The following HHIP variants were observed in gnomAD, a reference collection of about 807,000 sequenced individuals.
HHIP encodes the protein hedgehog interacting protein.
A neutral mutation model predicts 74.0 loss-of-function variants in HHIP; 12 were observed. The observed-to-expected ratio is 0.16, with a 90% confidence interval of 0.10 to 0.26. The LOEUF is 0.26. Ranked by LOEUF, HHIP falls within the 10% of genes least tolerant of loss-of-function variation. The pLI is 1.00. For missense variants in HHIP, 788 were observed against 845.0 expected, an observed-to-expected ratio of 0.93 and a Z score of 0.84; for synonymous variants, 309 against 311.6, an observed-to-expected ratio of 0.99 and a Z score of 0.09.
At chr4:144,708,990 G>A (rs143334884) in intron 7 of HHIP, among the ~76,000 whole-genome samples, 1 of 152,150 alleles carries the variant, frequency 6.6e-6, no homozygotes, top group African/African-American at 2.4e-5. Flanking sequence ...GAAATTTGGG[G>A]TACATTTTGT....
chr4:144,729,815 C>A (rs1560723256), intron 11 of HHIP, among the ~76,000 whole-genome samples: 7 of 151,836 alleles, frequency 4.6e-5, no homozygotes, highest in African/African-American at 1.7e-4. Context: ...ATCAGGATAT[C>A]TACATAAGTA....
At position 144,659,075 on chromosome 4, in the gene HHIP, C is replaced by T; in HGVS notation, c.629+129C>T. On this transcript the variant is annotated intron_variant, in intron 3 of 12. Transcript: ENST00000296575. Reference sequence around the variant, plus strand: ...TATCCTCCAGATGCTTTAGTTTTTTCTCTGTGGTAGTTTGTTTCTCTAAAA... The same window carrying T: ...TATCCTCCAGATGCTTTAGTTTTTTTTCTGTGGTAGTTTGTTTCTCTAAAA... 7.6e-6 allele frequency: 5 copies of T among 660,078 alleles called. No homozygotes were observed. The South Asian group carries it at 1.5e-4, about 20-fold the overall frequency. 40.9% of individuals were successfully genotyped at this position (660,078 alleles called of 1,614,324 possible). A position where few individuals can be genotyped will look rare whatever the true frequency, so the allele number is the denominator to read the frequency against.
intron 11 of HHIP, among the ~76,000 whole-genome samples, chr4:144,730,296 T>C (rs1730918178): frequency 6.6e-6 from 1 of 152,200 alleles, no homozygotes; most frequent in Non-Finnish European, 1.5e-5. Context: ...GTTGGACAGT[T>C]TTTTGAACTA....
At chr4:144,693,884 A>G (rs142006976) in intron 4 of HHIP, among the ~76,000 whole-genome samples, 2 of 152,098 alleles carry the variant, frequency 1.3e-5, no homozygotes, top group East Asian at 3.9e-4. Context: ...AAGATATAAG[A>G]TATCAAATAT....
chr4:144,715,885 T>C (rs193173635), intron 10 of HHIP, among the ~76,000 whole-genome samples: 22 of 152,326 alleles, frequency 1.4e-4, no homozygotes, highest in Non-Finnish European at 1.2e-4. Context: ...TTTTTGCCCA[T>C]TGGGGCACGA....
chr4:144,678,433 G>A (rs1729231724), intron 4 of HHIP, among the ~76,000 whole-genome samples: 1 of 152,086 alleles, frequency 6.6e-6, no homozygotes. Context: ...GGATGCATGT[G>A]CAGAACATGC....
At chr4:144,686,948 C>T (rs1726740861) in intron 4 of HHIP, among the ~76,000 whole-genome samples, 1 of 151,850 alleles carries the variant, frequency 6.6e-6, no homozygotes, top group African/African-American at 2.4e-5. Flanking sequence ...CTATTTATTT[C>T]CAAATAATTG....
chr4:144,684,232 A>ATTTTTTTTTTTTTTT (rs1174297815), intron 4 of HHIP, among the ~76,000 whole-genome samples: 1 of 62,928 alleles, frequency 1.6e-5, no homozygotes, highest in Non-Finnish European at 3.1e-5. Context: ...AAAAAAAAGA[A>ATTTTTTTTTTTTTTT]TTTTTTTTTT....
chr4:144,677,876 T>C (rs1729214197), intron 4 of HHIP, among the ~76,000 whole-genome samples: 1 of 152,168 alleles, frequency 6.6e-6, no homozygotes, highest in Non-Finnish European at 1.5e-5. Context: ...TGTTTCTTGC[T>C]CACTTATATC....
intron 4 of HHIP, among the ~76,000 whole-genome samples, chr4:144,663,923 C>A (rs758356430): frequency 6.6e-6 from 1 of 152,176 alleles, no homozygotes; most frequent in Non-Finnish European, 1.5e-5. Context: ...TGAAAGTCAG[C>A]CTTAGCTTTG....
rs1028476238 is a variant in HHIP at position 144,739,980 on chromosome 4, T to G, written c.*2023T>G. Reference sequence around the variant, plus strand: ...TACTGAATTCCATCACAGAAAGTTTTACAATTAAAAAAAAATGTCCTGACA... The same window carrying G: ...TACTGAATTCCATCACAGAAAGTTTGACAATTAAAAAAAAATGTCCTGACA... On this transcript the variant is annotated 3_prime_UTR_variant, in exon 13 of 13. Coordinates refer to ENST00000296575, the MANE Select transcript of HHIP (RefSeq NM_022475.3). 1.3e-5 allele frequency: 2 copies of G among 152,174 alleles called. No individual in the cohort carries two copies. The highest frequency in any genetic ancestry group is 4.8e-5 in the African/African-American group (2 of 41,448). The allele number at this position is 152,174 out of a possible 1,614,324, so 9.4% of individuals were successfully genotyped here.
intron 4 of HHIP, among the ~76,000 whole-genome samples, chr4:144,700,567 G>A (rs948699397): frequency 3.9e-5 from 6 of 152,174 alleles, no homozygotes; most frequent in African/African-American, 1.2e-4. Flanking sequence ...GTTCTTAAAA[G>A]TGGAAGAGGA....
rs138094279 is a variant in HHIP, at chr4:144,680,656, G to T, written c.831+20818G>T. Among the ~76,000 whole-genome samples the T allele has an allele frequency of 5.4e-3, 817 of 152,272 alleles. 8 individuals are homozygous for T. The highest frequency in any genetic ancestry group is 0.019 in the African/African-American group (797 of 41,548). On this transcript the variant is annotated intron_variant, in intron 4 of 12. Coordinates refer to ENST00000296575, the MANE Select transcript of HHIP (RefSeq NM_022475.3). ...GACTATATGTTTGCCATTCATTGAT[G>T]AATTCATTCATTCATTGCGAGAATG... is the stretch of plus-strand genomic sequence containing the variant.
intron 4 of HHIP, among the ~76,000 whole-genome samples, chr4:144,670,764 G>GAAAAAAAAAAAAAAAAAAAAAAA (rs1167213848): frequency 7.3e-5 from 4 of 54,890 alleles, no homozygotes; most frequent in Non-Finnish European, 9.5e-5. Flanking sequence ...CTTAAGATTT[G>GAAAAAAAAAAAAAAAAAAAAAAA]AAAAAAAAAA....
rs916648039 is a variant in HHIP at position 144,740,119 on chromosome 4, G to A, written c.*2162G>A. 1 of 152,084 alleles carries A rather than the reference G, an allele frequency of 6.6e-6. No homozygotes were observed. Among genetic ancestry groups the A allele is most frequent in the African/African-American group, 2.4e-5 (1 of 41,396 alleles). 9.4% of individuals were successfully genotyped at this position (152,084 alleles called of 1,614,324 possible). On this transcript the variant is annotated 3_prime_UTR_variant, in exon 13 of 13. Coordinates refer to ENST00000296575, the MANE Select transcript of HHIP (RefSeq NM_022475.3). Reference sequence around the variant, plus strand: ...CAGCTGTCTAAATCTGTCAAATCGTGCAGTTTTATTACACATTCTCCAATT... The same window carrying A: ...CAGCTGTCTAAATCTGTCAAATCGTACAGTTTTATTACACATTCTCCAATT...
At position 144,737,847 on chromosome 4, in the gene HHIP, C is replaced by A; in HGVS notation, c.1993C>A (p.Gln665Lys). The change falls in exon 13 of 13, where the codon CAA (glutamine) becomes AAA (lysine). Residue 665 changes from glutamine (Q) to lysine (K), a missense_variant. By Grantham distance (53) the Gln-to-Lys change is moderately conservative. Transcript: ENST00000296575. ...CLCKKGYLGP[Q>K]CEQVDRNIRR... ...CTGTAAAAAAGGATATCTTGGTCCT[C>A]AATGTGAACAAGTGGACAGAAACAT... 3 of 1,613,936 alleles carry A rather than the reference C, an allele frequency of 1.9e-6. No homozygotes were observed. The South Asian group carries it at 3.3e-5, about 18-fold the overall frequency.
intron 4 of HHIP, among the ~76,000 whole-genome samples, chr4:144,668,174 G>A (rs530726222): frequency 7.2e-5 from 11 of 152,060 alleles, no homozygotes; most frequent in Non-Finnish European, 1.2e-4. Flanking sequence ...AAAACTAGCC[G>A]GGTATGGTGG....
At chr4:144,730,413 T>C (rs1730919981) in intron 11 of HHIP, among the ~76,000 whole-genome samples, 1 of 152,166 alleles carries the variant, frequency 6.6e-6, no homozygotes, top group Non-Finnish European at 1.5e-5. Flanking sequence ...ACAAATAGGC[T>C]AGATATATTC....
At chr4:144,673,410 T>C (rs1729094942) in intron 4 of HHIP, among the ~76,000 whole-genome samples, 3 of 152,102 alleles carry the variant, frequency 2.0e-5, no homozygotes, top group South Asian at 4.1e-4. Context: ...TACAGGAAAA[T>C]ATCAATTGTG....
Sources: gnomAD v4.1 joint callset for allele counts (sites outside exome capture counted in the v4.1 genomes callset) on GRCh38, gnomAD v4.1.1 for gene constraint, MANE v1.5 for transcripts, NCBI Gene and HGNC (gene_info 2026-07-23, HGNC 2026-07-21) for gene names.